The following XRN1 variants were observed in gnomAD, a reference collection of about 807,000 sequenced individuals.
XRN1 encodes the protein 5'-3' exoribonuclease 1, also known as strand-exchange protein 1 homolog.
XRN1 carries 67 observed loss-of-function variants against 222.3 expected under a neutral mutation model. The ratio of observed to expected loss-of-function variants is 0.30; its 90% CI spans 0.25 to 0.37. The LOEUF is 0.37. Ranked by LOEUF, XRN1 falls within the 10% of genes least tolerant of loss-of-function variation. The pLI, the probability that XRN1 is intolerant of heterozygous loss-of-function variation, is 1.00. For synonymous variants in XRN1, 643 were observed against 652.4 expected (o/e 0.99, Z 0.22); for missense variants, 1,707 against 2,000.2 (o/e 0.85, Z 2.80).
At chr3:142,419,794 T>C (rs982721473) in intron 10 of XRN1, among the ~76,000 whole-genome samples, 1 of 148,716 alleles carries the variant, frequency 6.7e-6, no homozygotes, top group African/African-American at 2.5e-5. Context: ...AGTGACAGAG[T>C]GACATGCTGT....
At chr3:142,417,043 A>C in intron 13 of XRN1, 97 bp downstream of exon 13, 4 of 825,452 alleles carry the variant, frequency 4.8e-6, no homozygotes, top group Non-Finnish European at 5.4e-6. Context: ...AAAAATTACC[A>C]TAAGTAGAAA....
At chr3:142,393,975 C>T (rs932085149) in intron 20 of XRN1, among the ~76,000 whole-genome samples, 23 of 152,104 alleles carry the variant, frequency 1.5e-4, no homozygotes, top group South Asian at 2.1e-4. Flanking sequence ...TACAGGCAGG[C>T]GCTGCCATGC....
chr3:142,319,015 T>C, intron 37 of XRN1, 112 bp from the exon 38 acceptor site: 1 of 935,758 alleles, frequency 1.1e-6, no homozygotes, highest in Non-Finnish European at 1.5e-6. Flanking sequence ...AAAAAAGGGC[T>C]TTCAGTTCAA....
Position 142,405,094 on chromosome 3 carries a change from A to T in XRN1, c.1714-18T>A. 1.2e-6 allele frequency: 2 copies of T among 1,611,348 alleles called. No individual in the cohort carries two copies. Among genetic ancestry groups the T allele is most frequent in the Non-Finnish European group, 1.7e-6 (2 of 1,177,828 alleles). On this transcript the variant is annotated intron_variant, in intron 15 of 40. Transcript: ENST00000392981. ...AATCGCTTCTGAATATAAGGATTGA[A>T]GAGAAGGGTTACAAGCATAAAAATT...
intron 12 of XRN1, among the ~76,000 whole-genome samples, chr3:142,417,544 C>T (rs913389420): frequency 6.6e-6 from 1 of 152,168 alleles, no homozygotes; most frequent in Admixed American, 6.5e-5. Flanking sequence ...GACACTACCA[C>T]TCTCTTAAAT....
chr3:142,332,781 C>A, intron 35 of XRN1, 186 bp downstream of exon 35: 1 of 881,078 alleles, frequency 1.1e-6, no homozygotes, highest in African/African-American at 1.7e-5. Flanking sequence ...AGCAGGGGAA[C>A]TGTGGTCTAA....
At chr3:142,433,565 G>A (rs1049975831) in intron 1 of XRN1, among the ~76,000 whole-genome samples, 1 of 151,770 alleles carries the variant, frequency 6.6e-6, no homozygotes, top group Non-Finnish European at 1.5e-5. Flanking sequence ...TGTTTGTGTT[G>A]GAACTCTTGG....
intron 14 of XRN1, among the ~76,000 whole-genome samples, chr3:142,413,688 A>C: frequency 6.6e-6 from 1 of 152,240 alleles, no homozygotes; most frequent in East Asian, 1.9e-4. Context: ...TCACAAATTG[A>C]TAAATAAAAT....
At chr3:142,370,996 G>A (rs955820988) in intron 26 of XRN1, among the ~76,000 whole-genome samples, 3 of 152,044 alleles carry the variant, frequency 2.0e-5, no homozygotes, top group Non-Finnish European at 2.9e-5. Flanking sequence ...TTAGTCAAAT[G>A]TGGAGGCGTA....
At chr3:142,356,818 A>C in intron 31 of XRN1, 94 bp downstream of exon 31, 1 of 1,338,154 alleles carries the variant, frequency 7.5e-7, no homozygotes, top group African/African-American at 1.5e-5. Context: ...TAAAAGAGGG[A>C]AACTAAGTTA....
In XRN1 at chr3:142,419,147, A is replaced by T. The variant is rs115418934; in HGVS notation, c.1174-266T>A. ...TTCTTTCATCCAACTTATGGCCTCT[A>T]CCAACTTCCTGTGTCTGGGCTATTC... On this transcript the variant is annotated intron_variant, in intron 10 of 40. Transcript: ENST00000392981. Among the ~76,000 whole-genome samples the T allele has an allele frequency of 9.4e-3, 1,431 of 152,048 alleles. 22 individuals are homozygous for T. Among genetic ancestry groups the T allele is most frequent in the African/African-American group, 0.033 (1,354 of 41,470 alleles).
chr3:142,360,644 C>G (rs1162385974), intron 29 of XRN1, among the ~76,000 whole-genome samples: 1 of 151,582 alleles, frequency 6.6e-6, no homozygotes, highest in South Asian at 2.1e-4. Flanking sequence ...GCAGGTGGAT[C>G]ACGAGGTCAG....
chr3:142,423,677 C>A, intron 5 of XRN1, 35 bp from the exon 6 acceptor site: 1 of 1,504,656 alleles, frequency 6.6e-7, no homozygotes, highest in South Asian at 1.3e-5. Flanking sequence ...TTTTTATTCT[C>A]CCATTTTTAA....
chr3:142,431,494 AAC>A (rs1480627592), intron 2 of XRN1, among the ~76,000 whole-genome samples: 8 of 152,006 alleles, frequency 5.3e-5, no homozygotes, highest in African/African-American at 1.9e-4. Context: ...CAGCCTGGCC[AAC>A]AGAGTGAAAC....
intron 25 of XRN1, among the ~76,000 whole-genome samples, chr3:142,375,335 G>T (rs1245374056): frequency 6.6e-6 from 1 of 152,108 alleles, no homozygotes; most frequent in Non-Finnish European, 1.5e-5. Flanking sequence ...AGTGAATCTT[G>T]GTACTTGGCT....
At chr3:142,427,036 T>C (rs565398638) in intron 2 of XRN1, among the ~76,000 whole-genome samples, 195 bp from the exon 3 acceptor site, 1 of 152,216 alleles carries the variant, frequency 6.6e-6, no homozygotes, top group Non-Finnish European at 1.5e-5. Context: ...ATTTAAAGAA[T>C]TGAATTTTTC....
chr3:142,333,158 T>C (rs1241028305), intron 34 of XRN1, 69 bp from the exon 35 acceptor site: 2 of 1,514,156 alleles, frequency 1.3e-6, no homozygotes, highest in South Asian at 1.3e-5. Context: ...AGCTGAGTTT[T>C]ATGTACAAAA....
intron 15 of XRN1, among the ~76,000 whole-genome samples, chr3:142,410,236 A>C (rs889472871): frequency 5.9e-5 from 9 of 152,136 alleles, no homozygotes; most frequent in Non-Finnish European, 1.3e-4. Context: ...GTTTGCAGTA[A>C]GATTTTTTAT....
intron 29 of XRN1, among the ~76,000 whole-genome samples, chr3:142,360,304 A>G (rs1342467743): frequency 6.6e-6 from 1 of 152,176 alleles, no homozygotes; most frequent in African/African-American, 2.4e-5. Context: ...TTATTTTGCA[A>G]CTTATTTTTC....
Sources: gnomAD v4.1 joint callset for allele counts (sites outside exome capture counted in the v4.1 genomes callset) on GRCh38, gnomAD v4.1.1 for gene constraint, MANE v1.5 for transcripts, NCBI Gene and HGNC (gene_info 2026-07-23, HGNC 2026-07-21) for gene names.